The following CCSER1 variants were observed in gnomAD, a reference collection of about 807,000 sequenced individuals.
CCSER1 encodes the protein coiled-coil serine rich protein 1, also known as serine-rich coiled-coil domain-containing protein 1.
A neutral mutation model predicts 82.0 loss-of-function variants in CCSER1; 41 were observed. The observed-to-expected ratio is 0.50, with a 90% confidence interval of 0.39 to 0.65. The LOEUF (loss-of-function observed/expected upper bound fraction) is 0.65. CCSER1 is among the 30% of genes least tolerant of loss of function. The pLI is 0.00. For synonymous variants in CCSER1, 414 were observed against 383.9 expected (o/e 1.08, Z -0.92); for missense variants, 1,119 against 1,064.2 (o/e 1.05, Z -0.72).
chr4:90,537,738 C>G (rs1775592934), intron 5 of CCSER1, among the ~76,000 whole-genome samples: 1 of 152,136 alleles, frequency 6.6e-6, no homozygotes, highest in Non-Finnish European at 1.5e-5. Context: ...TACAACAGTG[C>G]TAGTTTAGTT....
chr4:90,552,120 G>T (rs1479923603), intron 5 of CCSER1, among the ~76,000 whole-genome samples: 1 of 152,072 alleles, frequency 6.6e-6, no homozygotes, highest in Non-Finnish European at 1.5e-5. Context: ...TGGCTTAATT[G>T]CTTCTTAAAG....
intron 10 of CCSER1, among the ~76,000 whole-genome samples, chr4:91,474,797 A>ATATATATTTGTG (rs1757483112): frequency 1.0e-4 from 4 of 38,556 alleles, no homozygotes; most frequent in East Asian, 8.8e-4. Flanking sequence ...GTATATATAT[A>ATATATATTTGTG]TATATATATA....
rs150039032 is a variant in CCSER1 at position 91,228,214 on chromosome 4, T to C, written c.2217+142220T>C. Among the ~76,000 whole-genome samples, 145 of 152,222 alleles carry C rather than the reference T, an allele frequency of 9.5e-4. 5 individuals are homozygous for C. The highest frequency in any genetic ancestry group is 3.3e-3 in the East Asian group (17 of 5,194). On this transcript the variant is annotated intron_variant, in intron 10 of 10. Coordinates refer to ENST00000509176, the MANE Select transcript of CCSER1 (RefSeq NM_001145065.2). Reference sequence around the variant, plus strand: ...AACATATGTATCCTGCTACTCGGTTTCTTAAAGTACAATTTTGAATATAAT... The same window carrying C: ...AACATATGTATCCTGCTACTCGGTTCCTTAAAGTACAATTTTGAATATAAT...
At chr4:90,780,945 C>A in intron 7 of CCSER1, 1 of 336,974 alleles carries the variant, frequency 3.0e-6, no homozygotes, top group Non-Finnish European at 4.2e-6. Flanking sequence ...AGCATAGTAG[C>A]ATGTGCTTCT....
intron 10 of CCSER1, among the ~76,000 whole-genome samples, chr4:91,250,185 C>A (rs1740145724): frequency 6.6e-6 from 1 of 151,716 alleles, no homozygotes; most frequent in Non-Finnish European, 1.5e-5. Flanking sequence ...GTGAACTGAT[C>A]AAGAATTCAG....
Position 91,012,292 on chromosome 4 carries a change from G to A in CCSER1, c.2173-73658G>A, listed in dbSNP as rs190036300. ...GGTACCACTTCAGCTCTAGCAAAGG[G>A]GACAGGGCATAGCAGTGACTGGGAG... On this transcript the variant is annotated intron_variant, in intron 9 of 10. Transcript: ENST00000509176. Among the ~76,000 whole-genome samples the A allele has an allele frequency of 1.5e-5, 2 of 134,544 alleles. 1 individual carries two copies. Among genetic ancestry groups the A allele is most frequent in the Admixed American group, 1.5e-4 (2 of 13,610 alleles). The allele number at this position is 134,544 out of a possible 152,430, so 88.3% of individuals were successfully genotyped here. A position where few individuals can be genotyped will look rare whatever the true frequency, so the allele number is the denominator to read the frequency against.
chr4:91,462,997 T>C (rs1756600387), intron 10 of CCSER1, among the ~76,000 whole-genome samples: 1 of 152,072 alleles, frequency 6.6e-6, no homozygotes, highest in South Asian at 2.1e-4. Context: ...TCTGACAGCT[T>C]TGAAGAGAGT....
intron 10 of CCSER1, among the ~76,000 whole-genome samples, chr4:91,589,572 C>CT (rs772167398): frequency 3.6e-5 from 3 of 84,074 alleles, no homozygotes; most frequent in Non-Finnish European, 7.2e-5. Flanking sequence ...AGACAAGAGG[C>CT]TCTTTTTTTT....
intron 9 of CCSER1, among the ~76,000 whole-genome samples, chr4:91,052,321 G>A (rs1743077930): frequency 6.6e-6 from 1 of 151,914 alleles, no homozygotes; most frequent in Admixed American, 6.6e-5. Context: ...TTATACTGAA[G>A]GAAAATTACT....
intron 10 of CCSER1, among the ~76,000 whole-genome samples, chr4:91,555,061 A>G (rs1348473479): frequency 6.6e-6 from 1 of 151,328 alleles, no homozygotes. Flanking sequence ...ACTCAAATAC[A>G]AGATCTGAAA....
chr4:91,154,477 T>A (rs941406240), intron 10 of CCSER1, among the ~76,000 whole-genome samples: 2 of 150,012 alleles, frequency 1.3e-5, no homozygotes, highest in African/African-American at 4.9e-5. Context: ...GCAATGCCAA[T>A]GCGTTGCCCT....
At chr4:91,131,460 A>G (rs1727989138) in intron 10 of CCSER1, among the ~76,000 whole-genome samples, 1 of 151,868 alleles carries the variant, frequency 6.6e-6, no homozygotes, top group Non-Finnish European at 1.5e-5. Flanking sequence ...AAACATTTGT[A>G]GCAAGACTGC....
At chr4:91,532,035 C>A (rs1034126869) in intron 10 of CCSER1, among the ~76,000 whole-genome samples, 2 of 152,062 alleles carry the variant, frequency 1.3e-5, no homozygotes, top group African/African-American at 4.8e-5. Context: ...CATATTATAG[C>A]CAATCAGAGT....
intron 1 of CCSER1, among the ~76,000 whole-genome samples, chr4:90,239,902 A>G (rs1028717610): frequency 6.6e-6 from 1 of 152,212 alleles, no homozygotes; most frequent in Non-Finnish European, 1.5e-5. Context: ...TGAAGAGGAA[A>G]ACCACATAGT....
At chr4:90,839,306 C>A (rs1344087152) in intron 8 of CCSER1, among the ~76,000 whole-genome samples, 2 of 152,086 alleles carry the variant, frequency 1.3e-5, no homozygotes, top group African/African-American at 2.4e-5. Flanking sequence ...GTTTATCAAA[C>A]GTGTAAGAAC....
At chr4:91,593,813 GA>G (rs1201429521) in intron 10 of CCSER1, among the ~76,000 whole-genome samples, 1 of 152,098 alleles carries the variant, frequency 6.6e-6, no homozygotes, top group East Asian at 1.9e-4. Flanking sequence ...TGAAATAAGT[GA>G]ATGTGGTTTA....
intron 7 of CCSER1, among the ~76,000 whole-genome samples, chr4:90,742,541 T>G (rs1405032437): frequency 1.3e-5 from 2 of 152,130 alleles, no homozygotes; most frequent in African/African-American, 4.8e-5. Context: ...GAGGGAAGAT[T>G]GCTGTCTGTG....
At chr4:91,202,773 A>ATG (rs1736025237) in intron 10 of CCSER1, among the ~76,000 whole-genome samples, 1 of 151,570 alleles carries the variant, frequency 6.6e-6, no homozygotes, top group African/African-American at 2.4e-5. Flanking sequence ...ACTCATATAT[A>ATG]TGTGTGCATA....
intron 9 of CCSER1, among the ~76,000 whole-genome samples, chr4:90,932,982 G>GAAAGAAAGAGAA (rs771267852): frequency 3.7e-4 from 7 of 18,862 alleles, no homozygotes; most frequent in East Asian, 1.8e-3. Context: ...AAGAAAGAAA[G>GAAAGAAAGAGAA]AGAAAGAAAG....
Sources: gnomAD v4.1 joint callset for allele counts (sites outside exome capture counted in the v4.1 genomes callset) on GRCh38, gnomAD v4.1.1 for gene constraint, MANE v1.5 for transcripts, NCBI Gene and HGNC (gene_info 2026-07-23, HGNC 2026-07-21) for gene names.